Variants in ZNF148 observed in about 807,000 individuals in gnomAD.
ZNF148 encodes zinc finger protein 148, also known as Beta-Enolase Repressor Factor-1.
A neutral mutation model predicts 67.7 loss-of-function variants in ZNF148; 7 were observed. The observed-to-expected ratio is 0.10, with a 90% CI of 0.06 to 0.19. The LOEUF (loss-of-function observed/expected upper bound fraction) is 0.19. ZNF148 is among the 10% of genes least tolerant of loss of function. The pLI is 1.00. For synonymous variants in ZNF148, 333 were observed against 330.7 expected (o/e 1.01, Z -0.08); for missense variants, 583 against 947.1 (o/e 0.62, Z 5.05).
intron 7 of ZNF148, among the ~76,000 whole-genome samples, chr3:125,275,751 T>C (rs1266184212): frequency 6.6e-6 from 1 of 152,262 alleles, no homozygotes; most frequent in African/African-American, 2.4e-5. Flanking sequence ...TACAGGATTG[T>C]GACCAGCACT....
intron 7 of ZNF148, among the ~76,000 whole-genome samples, chr3:125,263,625 T>C (rs1166561398): frequency 6.6e-6 from 1 of 152,202 alleles, no homozygotes; most frequent in East Asian, 1.9e-4. Flanking sequence ...TCTAGTAATT[T>C]CCTGAGTGAT....
chr3:125,302,948 C>A (rs192599370), intron 4 of ZNF148, among the ~76,000 whole-genome samples: 4 of 152,116 alleles, frequency 2.6e-5, no homozygotes, highest in Non-Finnish European at 5.9e-5. Flanking sequence ...TAACCAAAAC[C>A]TGGAGACAAC....
chr3:125,327,385 C>T (rs1373787879), intron 2 of ZNF148, among the ~76,000 whole-genome samples: 2 of 152,100 alleles, frequency 1.3e-5, no homozygotes, highest in Non-Finnish European at 2.9e-5. Context: ...CACTATCAAC[C>T]AACTATACCT....
intron 1 of ZNF148, chr3:125,344,308 G>T: frequency 2.0e-6 from 1 of 498,666 alleles, no homozygotes; most frequent in South Asian, 2.0e-5. Flanking sequence ...ATGACCTAGT[G>T]ACCTGAATGA....
At chr3:125,371,827 G>A (rs979778007) in intron 1 of ZNF148, among the ~76,000 whole-genome samples, 5 of 151,882 alleles carry the variant, frequency 3.3e-5, no homozygotes, top group South Asian at 4.2e-4. Context: ...CATTTTGGGA[G>A]ACGGAGGCGG....
At chr3:125,348,224 A>G (rs967589742) in intron 1 of ZNF148, among the ~76,000 whole-genome samples, 3 of 152,040 alleles carry the variant, frequency 2.0e-5, no homozygotes, top group African/African-American at 4.8e-5. Context: ...GTGCCACTGC[A>G]CTCCAGCCTG....
chr3:125,256,757 T>A (rs1313987511), intron 7 of ZNF148, among the ~76,000 whole-genome samples: 3 of 152,192 alleles, frequency 2.0e-5, no homozygotes, highest in Non-Finnish European at 2.9e-5. Flanking sequence ...TATCCTTTCC[T>A]ACTAGTCATG....
chr3:125,287,068 T>C (rs1046493552), intron 5 of ZNF148, among the ~76,000 whole-genome samples: 1 of 152,122 alleles, frequency 6.6e-6, no homozygotes, highest in Non-Finnish European at 1.5e-5. Context: ...AAATGAAATC[T>C]TGCAAGCCAG....
In ZNF148 at chr3:125,228,829, T is replaced by C. The variant is rs1935738775; in HGVS notation, c.*3512A>G. On this transcript the variant is annotated 3_prime_UTR_variant, in exon 9 of 9. Transcript: ENST00000360647. Reference sequence around the variant, plus strand: ...GTACATCCTTATTTGATGAACCATATTTACAGCATGGTATTGCATAAAAAA... The same window carrying C: ...GTACATCCTTATTTGATGAACCATACTTACAGCATGGTATTGCATAAAAAA... 1 of 152,602 alleles carries C rather than the reference T, an allele frequency of 6.6e-6. No homozygotes were observed. The highest frequency in any genetic ancestry group is 1.5e-5 in the Non-Finnish European group (1 of 68,010). 9.5% of individuals were successfully genotyped at this position (152,602 alleles called of 1,614,324 possible). A position where few individuals can be genotyped will look rare whatever the true frequency, so the allele number is the denominator to read the frequency against.
intron 7 of ZNF148, among the ~76,000 whole-genome samples, chr3:125,260,677 A>C (rs972062997): frequency 2.1e-4 from 32 of 152,294 alleles, no homozygotes; most frequent in African/African-American, 7.5e-4. Context: ...CTGTATCTTG[A>C]CTGTGGTAGT....
chr3:125,286,929 G>T (rs1455887162), intron 5 of ZNF148, among the ~76,000 whole-genome samples: 1 of 152,250 alleles, frequency 6.6e-6, no homozygotes, highest in Non-Finnish European at 1.5e-5. Context: ...CAAAATAGTG[G>T]TATGCTGGCA....
intron 5 of ZNF148, among the ~76,000 whole-genome samples, chr3:125,281,366 T>C (rs1236089946): frequency 6.6e-6 from 1 of 152,226 alleles, no homozygotes; most frequent in African/African-American, 2.4e-5. Flanking sequence ...TTTTAAAATA[T>C]GACTCAAAAT....
chr3:125,364,903 T>G (rs915789772), intron 1 of ZNF148, among the ~76,000 whole-genome samples: 1 of 152,196 alleles, frequency 6.6e-6, no homozygotes, highest in African/African-American at 2.4e-5. Flanking sequence ...GAACCCTAAA[T>G]TATAGCTAAT....
At chr3:125,251,984 G>A (rs544027050) in intron 7 of ZNF148, among the ~76,000 whole-genome samples, 3 of 152,256 alleles carry the variant, frequency 2.0e-5, no homozygotes, top group African/African-American at 7.2e-5. Context: ...CCATTCCAGG[G>A]TATATGCAAG....
At chr3:125,352,737 T>C (rs1016456846) in intron 1 of ZNF148, among the ~76,000 whole-genome samples, 7 of 151,528 alleles carry the variant, frequency 4.6e-5, no homozygotes, top group East Asian at 1.9e-4. Flanking sequence ...CCCAGCAAGA[T>C]TTTTTTTGTA....
intron 2 of ZNF148, among the ~76,000 whole-genome samples, chr3:125,329,890 T>TA (rs758867751): frequency 1.6e-4 from 25 of 152,212 alleles, no homozygotes; most frequent in Non-Finnish European, 2.6e-4. Context: ...CTCATTTGTG[T>TA]AAAAAAATGT....
At position 125,244,280 on chromosome 3, in the gene ZNF148, A is replaced by G. The variant is rs145467315; in HGVS notation, c.668-9951T>C. On this transcript the variant is annotated intron_variant, in intron 7 of 8. Coordinates refer to ENST00000360647, the MANE Select transcript of ZNF148 (RefSeq NM_021964.3). ...TTACTATAATATATGGGTAACTGTT[A>G]AGGTAAACTATATATGAGAGAGTTA... Among the ~76,000 whole-genome samples the G allele has an allele frequency of 3.9e-5, 6 of 152,326 alleles. No homozygotes were observed. In the East Asian group the frequency reaches 9.6e-4, roughly 24 times the overall value.
At chr3:125,246,076 A>T (rs1349162279) in intron 7 of ZNF148, among the ~76,000 whole-genome samples, 1 of 152,154 alleles carries the variant, frequency 6.6e-6, no homozygotes, top group Non-Finnish European at 1.5e-5. Flanking sequence ...TTTTCTACAA[A>T]ACTTCCCCAA....
At chr3:125,316,741 G>C (rs1238979506) in intron 3 of ZNF148, among the ~76,000 whole-genome samples, 2 of 151,982 alleles carry the variant, frequency 1.3e-5, no homozygotes, top group African/African-American at 2.4e-5. Flanking sequence ...TATATATTCT[G>C]GTTATTAATC....
Sources: allele counts gnomAD v4.1 joint callset (sites outside exome capture counted in the v4.1 genomes callset), GRCh38; gene constraint gnomAD v4.1.1; transcripts MANE v1.5; gene names NCBI Gene and HGNC (gene_info 2026-07-23, HGNC 2026-07-21).